ZRANB3: variants seen among roughly 807,000 people sequenced by gnomAD.
ZRANB3 encodes the protein zinc finger RANBP2-type containing 3.
Under a neutral mutation model 133.8 loss-of-function variants are expected in ZRANB3, and 125 were observed. The ratio of observed to expected loss-of-function variants is 0.93; its 90% CI spans 0.81 to 1.08. The LOEUF (loss-of-function observed/expected upper bound fraction) is 1.08. Ranked by LOEUF, ZRANB3 falls within the 50% of genes least tolerant of loss-of-function variation. ZRANB3 has a pLI of 0.00. For missense variants in ZRANB3, 1,229 were observed against 1,275.5 expected (o/e 0.96, Z 0.56); for synonymous variants, 387 against 432.7 (o/e 0.89, Z 1.31).
At chr2:135,316,018 G>A (rs754834172) in intron 6 of ZRANB3, among the ~76,000 whole-genome samples, 2 of 152,176 alleles carry the variant, frequency 1.3e-5, no homozygotes, top group Non-Finnish European at 2.9e-5. Flanking sequence ...TGATTACATG[G>A]TGGTCTCTTC....
chr2:135,515,977 A>G (rs1693680223), intron 1 of ZRANB3, among the ~76,000 whole-genome samples: 1 of 152,138 alleles, frequency 6.6e-6, no homozygotes, highest in South Asian at 2.1e-4. Context: ...TTGGGTGCAT[A>G]TATATTTAAA....
chr2:135,365,921 A>T (rs1464504115), intron 3 of ZRANB3, among the ~76,000 whole-genome samples: 2 of 152,250 alleles, frequency 1.3e-5, no homozygotes. Context: ...TTCTGCAGTT[A>T]CATAATGACA....
At chr2:135,352,929 G>C (rs1195574606) in intron 4 of ZRANB3, among the ~76,000 whole-genome samples, 1 of 152,050 alleles carries the variant, frequency 6.6e-6, no homozygotes, top group Non-Finnish European at 1.5e-5. Flanking sequence ...CACTATAACA[G>C]ATTTTAGAGT....
At chr2:135,343,252 T>C (rs939820765) in intron 6 of ZRANB3, among the ~76,000 whole-genome samples, 13 of 148,606 alleles carry the variant, frequency 8.7e-5, no homozygotes, top group Non-Finnish European at 1.3e-4. Context: ...CCAGCACATA[T>C]AGAGATGATG....
chr2:135,360,039 G>T (rs1239143454), intron 3 of ZRANB3, among the ~76,000 whole-genome samples: 3 of 152,082 alleles, frequency 2.0e-5, no homozygotes, highest in Non-Finnish European at 4.4e-5. Context: ...ATAATACATA[G>T]AATGACTCAG....
intron 1 of ZRANB3, chr2:135,510,583 C>T (rs1407154576): frequency 1.6e-5 from 12 of 732,672 alleles, no homozygotes; most frequent in African/African-American, 1.2e-4. Context: ...CACTCCAAAT[C>T]CTGCTTTCTG....
intron 2 of ZRANB3, among the ~76,000 whole-genome samples, chr2:135,429,774 C>A (rs1453987007): frequency 2.0e-5 from 3 of 152,060 alleles, no homozygotes; most frequent in Admixed American, 6.6e-5. Flanking sequence ...TAGGAGGCAG[C>A]CATTTTAACA....
chr2:135,477,190 A>C (rs756218706), intron 2 of ZRANB3, among the ~76,000 whole-genome samples: 2 of 152,212 alleles, frequency 1.3e-5, no homozygotes, highest in Non-Finnish European at 2.9e-5. Flanking sequence ...ACATACACAT[A>C]ACCAGAAAGA....
At chr2:135,314,730 T>C (rs1463116346) in intron 7 of ZRANB3, among the ~76,000 whole-genome samples, 1 of 151,994 alleles carries the variant, frequency 6.6e-6, no homozygotes, top group Non-Finnish European at 1.5e-5. Flanking sequence ...ATTATTGGGT[T>C]TCACACCTTC....
In ZRANB3 at chr2:135,300,674, A is replaced by G. The variant is rs549614353; in HGVS notation, c.966+12815T>C. 4.6e-5 allele frequency among the ~76,000 whole-genome samples: 7 copies of G among 152,240 alleles called. No individual in the cohort carries two copies. In the East Asian group the frequency reaches 1.2e-3, roughly 25 times the overall value. The stretch of plus-strand genomic sequence containing the variant: ...CCCTTCCACATTCAGTCAATCACCA[A>G]TGTCTACTGATTGCACTGCCTTAAT... On this transcript the variant is annotated intron_variant, in intron 8 of 20. Coordinates refer to ENST00000264159, the MANE Select transcript of ZRANB3 (RefSeq NM_032143.4).
intron 6 of ZRANB3, among the ~76,000 whole-genome samples, chr2:135,340,009 T>C (rs1684561044): frequency 6.6e-6 from 1 of 152,092 alleles, no homozygotes; most frequent in Non-Finnish European, 1.5e-5. Context: ...TTCCTCTATG[T>C]TTTATTTAGG....
At chr2:135,372,624 A>C (rs1686234276) in intron 3 of ZRANB3, among the ~76,000 whole-genome samples, 1 of 151,994 alleles carries the variant, frequency 6.6e-6, no homozygotes, top group Non-Finnish European at 1.5e-5. Flanking sequence ...GTCTCTACTA[A>C]AAATACAAAA....
intron 2 of ZRANB3, among the ~76,000 whole-genome samples, chr2:135,434,587 A>G (rs1049363088): frequency 1.5e-4 from 23 of 152,326 alleles, no homozygotes; most frequent in African/African-American, 4.3e-4. Context: ...TCAGAATCAA[A>G]ACCTGTTACT....
intron 2 of ZRANB3, among the ~76,000 whole-genome samples, chr2:135,462,429 C>T (rs6742438): frequency 0.26 from 39,994 of 152,020 alleles, 8,809 homozygotes; most frequent in African/African-American, 0.59. Context: ...AAAGCCGTGG[C>T]AAATGTAGCC....
chr2:135,365,514 G>A (rs1003390262), intron 3 of ZRANB3, among the ~76,000 whole-genome samples: 8 of 151,986 alleles, frequency 5.3e-5, no homozygotes, highest in Admixed American at 3.9e-4. Flanking sequence ...ATTTCTATAC[G>A]TAATGAACAC....
intron 3 of ZRANB3, among the ~76,000 whole-genome samples, chr2:135,372,538 C>A (rs1416946734): frequency 6.6e-6 from 1 of 152,072 alleles, no homozygotes; most frequent in Non-Finnish European, 1.5e-5. Context: ...TGGCTCATGC[C>A]TGTAATCCCA....
At chr2:135,527,020 A>C (rs909376589) in intron 1 of ZRANB3, among the ~76,000 whole-genome samples, 1 of 152,168 alleles carries the variant, frequency 6.6e-6, no homozygotes, top group African/African-American at 2.4e-5. Flanking sequence ...AAACCAATGC[A>C]TTTCTTAAAT....
chr2:135,235,568 A>T (rs1214140597), intron 12 of ZRANB3, among the ~76,000 whole-genome samples: 13 of 151,962 alleles, frequency 8.6e-5, no homozygotes, highest in Admixed American at 2.0e-4. Context: ...ATCCAGCAGC[A>T]CATCAAAAAG....
chr2:135,433,018 C>A (rs1689385443), intron 2 of ZRANB3, among the ~76,000 whole-genome samples: 1 of 152,132 alleles, frequency 6.6e-6, no homozygotes, highest in Non-Finnish European at 1.5e-5. Flanking sequence ...CAGTTTACAG[C>A]TGGGGAGATT....
Sources: allele counts gnomAD v4.1 joint callset (sites outside exome capture counted in the v4.1 genomes callset), GRCh38; gene constraint gnomAD v4.1.1; transcripts MANE v1.5; gene names NCBI Gene and HGNC (gene_info 2026-07-23, HGNC 2026-07-21).